Variants in DUSP14 observed in about 807,000 individuals in gnomAD.
The protein encoded by DUSP14 is dual specificity phosphatase 14.
A neutral mutation model predicts 13.2 loss-of-function variants in DUSP14; 5 were observed. The ratio of observed to expected loss-of-function variants is 0.38; its 90% confidence interval spans 0.20 to 0.80. The LOEUF is 0.80. DUSP14 is among the 30% of genes least tolerant of loss of function. The pLI, the probability that DUSP14 is intolerant of heterozygous loss-of-function variation, is 0.44. For missense variants in DUSP14, 185 were observed against 264.0 expected (o/e 0.70, Z 2.07); for synonymous variants, 91 against 103.4 (o/e 0.88, Z 0.73).
intron 1 of DUSP14, among the ~76,000 whole-genome samples, chr17:37,490,173 G>T (rs2054017498): frequency 6.6e-6 from 1 of 150,530 alleles, no homozygotes. Flanking sequence ...GAGACCTTCC[G>T]CAGCGCACCC....
intron 1 of DUSP14, among the ~76,000 whole-genome samples, chr17:37,497,079 T>C (rs2054070764): frequency 6.6e-6 from 1 of 152,122 alleles, no homozygotes; most frequent in Non-Finnish European, 1.5e-5. Context: ...CCCTTCCCAC[T>C]GAGACAACCA....
chr17:37,509,287 A>AG (rs1170719955), intron 1 of DUSP14, among the ~76,000 whole-genome samples: 158 of 26,936 alleles, frequency 5.9e-3, no homozygotes, highest in Middle Eastern at 0.023. Context: ...ATATATATAT[A>AG]TATATATATA....
At chr17:37,500,806 C>G (rs953006606) in intron 1 of DUSP14, among the ~76,000 whole-genome samples, 2 of 152,102 alleles carry the variant, frequency 1.3e-5, no homozygotes, top group African/African-American at 2.4e-5. Context: ...TATTTCACAC[C>G]CGAAGACCAT....
intron 1 of DUSP14, among the ~76,000 whole-genome samples, chr17:37,507,881 T>C (rs1368163623): frequency 6.6e-6 from 1 of 152,216 alleles, no homozygotes; most frequent in African/African-American, 2.4e-5. Context: ...GACTTTGCTT[T>C]TTAAACCAGT....
At chr17:37,511,229 A>G (rs114516325) in intron 2 of DUSP14, among the ~76,000 whole-genome samples, 3 of 152,174 alleles carry the variant, frequency 2.0e-5, no homozygotes, top group Non-Finnish European at 2.9e-5. Flanking sequence ...GATTATTTCC[A>G]TGGAAATGCT....
rs1390273149 is a variant in DUSP14, at chr17:37,496,598, A to G, written c.-181+6640A>G. Reference sequence around the variant, plus strand: ...GTGAAACCCCGTCTCTACTGAAAATACAAAAATTAGCCGGGAGTGGTCGTG... The same window carrying G: ...GTGAAACCCCGTCTCTACTGAAAATGCAAAAATTAGCCGGGAGTGGTCGTG... On this transcript the variant is annotated intron_variant, in intron 1 of 2. Coordinates refer to ENST00000617516, the MANE Select transcript of DUSP14 (RefSeq NM_007026.4). 5.3e-5 allele frequency among the ~76,000 whole-genome samples: 8 copies of G among 152,342 alleles called. No homozygotes were observed. In the East Asian group the frequency reaches 1.3e-3, roughly 26 times the overall value.
chr17:37,500,981 AATGG>A (rs2054101379), intron 1 of DUSP14, among the ~76,000 whole-genome samples: 3 of 150,340 alleles, frequency 2.0e-5, no homozygotes, highest in African/African-American at 2.4e-5. Context: ...GTAGACTTTG[AATGG>A]ATGGATCCAT....
At chr17:37,490,038 G>C (rs1215218062) in intron 1 of DUSP14, 80 bp downstream of exon 1, 2 of 149,266 alleles carry the variant, frequency 1.3e-5, no homozygotes, top group African/African-American at 4.9e-5. Context: ...TTCGCGCTTC[G>C]GGTCCCTGGG....
At chr17:37,503,293 C>T (rs1248990459) in intron 1 of DUSP14, among the ~76,000 whole-genome samples, 3 of 152,132 alleles carry the variant, frequency 2.0e-5, no homozygotes, top group Non-Finnish European at 4.4e-5. Context: ...GCCATGGTGG[C>T]GCACACCTGT....
chr17:37,498,324 T>A (rs1233705837), intron 1 of DUSP14, among the ~76,000 whole-genome samples: 1 of 69,022 alleles, frequency 1.4e-5, no homozygotes, highest in Non-Finnish European at 2.6e-5. Context: ...CTTTTTTTTT[T>A]TTTTTTTTTT....
upstream of DUSP14, among the ~76,000 whole-genome samples, chr17:37,489,546 C>T (rs1228380692): frequency 1.3e-5 from 2 of 152,168 alleles, no homozygotes; most frequent in East Asian, 3.9e-4. Context: ...GAAAGCACCC[C>T]AGCAGAGCGC....
At chr17:37,498,155 T>C (rs1385529669) in intron 1 of DUSP14, among the ~76,000 whole-genome samples, 6 of 152,172 alleles carry the variant, frequency 3.9e-5, no homozygotes, top group East Asian at 1.9e-4. Flanking sequence ...TCACATGATA[T>C]TTCTTTTTTT....
intron 1 of DUSP14, among the ~76,000 whole-genome samples, chr17:37,495,656 T>C (rs1597966917): frequency 6.6e-6 from 1 of 151,934 alleles, no homozygotes; most frequent in African/African-American, 2.4e-5. Context: ...GTTTTGTTTT[T>C]TTTGTTTTTT....
chr17:37,497,751 A>C (rs1348001131), intron 1 of DUSP14, among the ~76,000 whole-genome samples: 1 of 151,406 alleles, frequency 6.6e-6, no homozygotes, highest in Non-Finnish European at 1.5e-5. Flanking sequence ...TCAAAAAAAA[A>C]AAAAAAGACA....
At chr17:37,509,288 TATATATATA>T (rs1274046955) in intron 1 of DUSP14, among the ~76,000 whole-genome samples, 199 of 26,072 alleles carry the variant, frequency 7.6e-3, no homozygotes, top group Middle Eastern at 0.022. Context: ...TATATATATA[TATATATATA>T]GTGTGTGTGT....
chr17:37,495,846 GAC>G (rs2054061488), intron 1 of DUSP14, among the ~76,000 whole-genome samples: 1 of 152,060 alleles, frequency 6.6e-6, no homozygotes, highest in Non-Finnish European at 1.5e-5. Flanking sequence ...TTTTAGTAGA[GAC>G]AGGGTTTCAC....
chr17:37,491,476 C>T (rs1255869949), intron 1 of DUSP14: 1 of 152,164 alleles, frequency 6.6e-6, no homozygotes, highest in Non-Finnish European at 1.5e-5. Context: ...CATCTTCTGA[C>T]GCTTGGGGGA....
Position 37,512,067 on chromosome 17 carries a change from T to C in DUSP14, c.-92-114T>C, listed in dbSNP as rs962697701. On this transcript the variant is annotated intron_variant, in intron 2 of 2. Transcript: ENST00000617516. The surrounding 1 kb of genome is among the most constrained non-coding windows in gnomAD (Gnocchi z 4.8). ...ATGATTTGTCTGTATCCTTGAAAGATTGTACTGTATTATTTAAAAAAAAAC... is the reference window on the plus strand; with the variant it reads ...ATGATTTGTCTGTATCCTTGAAAGACTGTACTGTATTATTTAAAAAAAAAC... 1.0e-4 allele frequency: 52 copies of C among 511,010 alleles called. No individual in the cohort carries two copies. Among genetic ancestry groups the C allele is most frequent in the Non-Finnish European group, 1.5e-4 (44 of 291,396 alleles). 31.7% of individuals were successfully genotyped at this position (511,010 alleles called of 1,614,324 possible).
chr17:37,497,530 GGGAGGTGGATGGCTTGAGCCCA>G (rs2143066354), intron 1 of DUSP14, among the ~76,000 whole-genome samples: 1 of 152,224 alleles, frequency 6.6e-6, no homozygotes, highest in East Asian at 1.9e-4. Context: ...GGGAGGCCTA[GGGAGGTGGATGGCTTGAGCCCA>G]GGAGTTCGAG....
Sources: allele counts gnomAD v4.1 joint callset (sites outside exome capture counted in the v4.1 genomes callset), GRCh38; gene constraint gnomAD v4.1.1; non-coding constraint Gnocchi (gnomAD v3.1); transcripts MANE v1.5; gene names NCBI Gene and HGNC (gene_info 2026-07-23, HGNC 2026-07-21).